SAP30BP: variants seen among roughly 807,000 people sequenced by gnomAD.
The protein encoded by SAP30BP is SAP30-binding protein.
A neutral mutation model predicts 46.3 loss-of-function variants in SAP30BP; 31 were observed. That is an observed-to-expected ratio of 0.67 (90% CI 0.50 to 0.90). The LOEUF is 0.90. Among genes scored for constraint, SAP30BP ranks in the 40% least tolerant of loss-of-function variants. SAP30BP has a pLI of 0.00. For missense variants in SAP30BP, 312 were observed against 391.0 expected (o/e 0.80, Z 1.70); for synonymous variants, 169 against 144.2 (o/e 1.17, Z -1.23).
At chr17:75,687,917 GGTGTGTGTGTGTGT>G (rs68006166) in intron 3 of SAP30BP, among the ~76,000 whole-genome samples, 1 of 120,260 alleles carries the variant, frequency 8.3e-6, no homozygotes, top group African/African-American at 3.0e-5. Flanking sequence ...CAGTGTTTGG[GGTGTGTGTGTGTGT>G]GTGTGTGTGT....
At chr17:75,705,548 C>CGCCGTA in intron 9 of SAP30BP, 1 of 914,550 alleles carries the variant, frequency 1.1e-6, no homozygotes, top group South Asian at 4.4e-5. Flanking sequence ...GTTGGGGTTT[C>CGCCGTA]TCATTCTTAA....
intron 3 of SAP30BP, chr17:75,692,217 T>A (rs2060252025): frequency 1.0e-6 from 1 of 985,212 alleles, no homozygotes; most frequent in Non-Finnish European, 1.2e-6. Context: ...GGGCTAAGAC[T>A]GAGTCTAGGT....
chr17:75,690,645 C>T, intron 3 of SAP30BP: 1 of 456,106 alleles, frequency 2.2e-6, no homozygotes, highest in South Asian at 1.5e-5. Flanking sequence ...ATCCAGAGAA[C>T]TTAGGTTGTT....
chr17:75,670,123 A>G (rs1018182551), intron 2 of SAP30BP, among the ~76,000 whole-genome samples: 3 of 152,150 alleles, frequency 2.0e-5, no homozygotes, highest in Non-Finnish European at 4.4e-5. Flanking sequence ...GGAGATCAAG[A>G]CCATCTTGGC....
rs749091855 is a variant in SAP30BP, at chr17:75,706,558, AGCCCAGTGACCACT to A, written c.*46_*59del. ...ACCCTAGGACTTGAAAGGACCGTGC[AGCCCAGTGACCACT>A]GCCCAGTGGGAGGCGCCACTTTGTA... On this transcript the variant is annotated 3_prime_UTR_variant, in exon 11 of 11. Coordinates refer to ENST00000584667, the MANE Select transcript of SAP30BP (RefSeq NM_013260.8). This position sits in a 1 kb window ranked among gnomAD's most constrained non-coding sequence, Gnocchi z 4.6. 6.3e-7 allele frequency: 1 copy of A among 1,596,520 alleles called. No homozygotes were observed. The highest frequency in any genetic ancestry group is 1.1e-5 in the South Asian group (1 of 90,404).
intron 3 of SAP30BP, among the ~76,000 whole-genome samples, chr17:75,681,443 G>C (rs1221525907): frequency 6.6e-6 from 1 of 152,170 alleles, no homozygotes; most frequent in Admixed American, 6.5e-5. Flanking sequence ...TCTAGATGAG[G>C]ATTTGTATTG....
At chr17:75,667,566 C>A in intron 1 of SAP30BP, 88 bp downstream of exon 1, 1 of 1,225,814 alleles carries the variant, frequency 8.2e-7, no homozygotes, top group Non-Finnish European at 1.2e-6. Context: ...ACAAGATGGT[C>A]ATTGTGCTCC....
chr17:75,692,532 G>A (rs1172575349), intron 3 of SAP30BP: 1 of 985,190 alleles, frequency 1.0e-6, no homozygotes, highest in East Asian at 1.1e-4. Flanking sequence ...AAACAGGTGT[G>A]TTCTTGCCAT....
At chr17:75,680,769 C>A (rs894766820) in intron 3 of SAP30BP, among the ~76,000 whole-genome samples, 3 of 152,210 alleles carry the variant, frequency 2.0e-5, no homozygotes, top group Admixed American at 6.5e-5. Context: ...TGTGGTAGCT[C>A]AAGCCTGTAA....
intron 3 of SAP30BP, among the ~76,000 whole-genome samples, chr17:75,676,715 C>G (rs908142392): frequency 2.0e-5 from 3 of 152,192 alleles, no homozygotes; most frequent in African/African-American, 7.2e-5. Context: ...CAGCTGCAGT[C>G]TGAATATATT....
At position 75,706,398 on chromosome 17, in the gene SAP30BP, G is replaced by A; in HGVS notation, c.804G>A (p.Gln268=). The change falls in exon 11 of 11, where the codon CAG becomes CAA. Residue 268 remains glutamine (Q), a synonymous_variant. Transcript: ENST00000584667. The surrounding 1 kb of genome is among the most constrained non-coding windows in gnomAD (Gnocchi z 4.6). The part of the protein sequence containing the change: ...DSAIPVTTIA[Q]PTILTTTATL... ...CTATCCCAGTGACAACGATAGCCCA[G>A]CCCACCATCCTCACCACCACAGCCA... 1 of 1,614,054 alleles carries A rather than the reference G, an allele frequency of 6.2e-7. No individual in the cohort carries two copies. The highest frequency in any genetic ancestry group is 1.3e-5 in the African/African-American group (1 of 75,014).
intron 8 of SAP30BP, among the ~76,000 whole-genome samples, chr17:75,704,356 A>C (rs948477513): frequency 2.0e-5 from 3 of 152,242 alleles, no homozygotes; most frequent in African/African-American, 7.2e-5. Context: ...CCCATGGCCC[A>C]GATCTTGGCC....
Position 75,675,889 on chromosome 17 carries a change from C to T in SAP30BP, c.264+4026C>T, listed in dbSNP as rs186860504. On this transcript the variant is annotated intron_variant, in intron 3 of 10. Coordinates refer to ENST00000584667, the MANE Select transcript of SAP30BP (RefSeq NM_013260.8). ...CTGTGATCTTGTCACTGCACTCCAGCCTGGGTGACAGACTGAAACCTTGTC... is the reference window on the plus strand; with the variant it reads ...CTGTGATCTTGTCACTGCACTCCAGTCTGGGTGACAGACTGAAACCTTGTC... 5.9e-5 allele frequency among the ~76,000 whole-genome samples: 9 copies of T among 152,278 alleles called. No individual in the cohort carries two copies. In the East Asian group the frequency reaches 1.7e-3, roughly 29 times the overall value.
At chr17:75,692,113 C>T (rs1422604752) in intron 3 of SAP30BP, 5 of 536,956 alleles carry the variant, frequency 9.3e-6, no homozygotes, top group Admixed American at 6.3e-5. Flanking sequence ...CTGGCCTGGA[C>T]GTGGTGCCCT....
chr17:75,691,621 G>T (rs2060243571), intron 3 of SAP30BP: 1 of 387,736 alleles, frequency 2.6e-6, no homozygotes, highest in South Asian at 1.9e-5. Context: ...CCTTGTGTGG[G>T]GATTGGGCCT....
chr17:75,668,393 G>A lies in SAP30BP; in HGVS notation c.107-123G>A, dbSNP rs2059841713. 4 of 581,470 alleles carry A rather than the reference G, an allele frequency of 6.9e-6. No individual in the cohort carries two copies. The South Asian group carries it at 7.7e-5, about 11-fold the overall frequency. The allele number at this position is 581,470 out of a possible 1,614,324, so 36.0% of individuals were successfully genotyped here. On this transcript the variant is annotated intron_variant, in intron 1 of 10. Transcript: ENST00000584667. ...TATTGTAACTTAACATGAGATTTAG[G>A]TTCCCTTTGTATCTTCAGAGATAGT... is the stretch of plus-strand genomic sequence containing the variant.
At chr17:75,690,066 C>T (rs1438530625) in intron 3 of SAP30BP, among the ~76,000 whole-genome samples, 2 of 152,214 alleles carry the variant, frequency 1.3e-5, no homozygotes, top group African/African-American at 2.4e-5. Context: ...CTTATCATTA[C>T]ACAATAATAT....
At chr17:75,684,235 GA>G (rs1568308282) in intron 3 of SAP30BP, among the ~76,000 whole-genome samples, 2 of 152,186 alleles carry the variant, frequency 1.3e-5, no homozygotes, top group Non-Finnish European at 2.9e-5. Flanking sequence ...GTGCAAAATG[GA>G]AATAATAATG....
At chr17:75,683,677 T>C (rs761217832) in intron 3 of SAP30BP, 4 of 152,218 alleles carry the variant, frequency 2.6e-5, no homozygotes, top group African/African-American at 4.8e-5. Flanking sequence ...CTCGTGTTCT[T>C]ATTGGAAGTC....
Sources: gnomAD v4.1 joint callset for allele counts (sites outside exome capture counted in the v4.1 genomes callset) on GRCh38, gnomAD v4.1.1 for gene constraint, Gnocchi (gnomAD v3.1) non-coding constraint, MANE v1.5 for transcripts, NCBI Gene and HGNC (gene_info 2026-07-23, HGNC 2026-07-21) for gene names.